The following DALRD3 variants were observed in gnomAD, a reference collection of about 807,000 sequenced individuals.
The protein encoded by DALRD3 is DALR anticodon binding domain containing 3.
A neutral mutation model predicts 56.7 loss-of-function variants in DALRD3; 47 were observed. The observed-to-expected ratio is 0.83, with a 90% CI of 0.66 to 1.06. The LOEUF (loss-of-function observed/expected upper bound fraction) is 1.06, where lower values mean the gene tolerates loss of function less well. Ranked by LOEUF, DALRD3 falls within the 50% of genes least tolerant of loss-of-function variation. DALRD3 has a pLI of 0.00. For synonymous variants in DALRD3, 347 were observed against 308.5 expected (o/e 1.12, Z -1.31); for missense variants, 787 against 724.0 (o/e 1.09, Z -1.00).
intron 11 of DALRD3, 29 bp downstream of exon 11, chr3:49,015,775 C>G: frequency 6.2e-7 from 1 of 1,614,112 alleles, no homozygotes; most frequent in Non-Finnish European, 8.5e-7. Context: ...CCTCTCTGCA[C>G]GTCCCACCCC....
chr3:49,017,065 C>A, intron 5 of DALRD3, 163 bp downstream of exon 5: 1 of 1,051,156 alleles, frequency 9.5e-7, no homozygotes, highest in Non-Finnish European at 1.4e-6. Flanking sequence ...ACCCCCCTTC[C>A]CCAGAGCCTC....
chr3:49,017,305 TAAC>T lies in DALRD3; in HGVS notation c.847_849del (p.Val283del), dbSNP rs1559905180. ...TGTTGCTGGAACTCCTCCTCACAGC[TAAC>T]AACATGTACAACCAGGCAGCCGCCT... On this transcript the variant is annotated inframe_deletion, in exon 5 of 12. Coordinates refer to ENST00000341949, the MANE Select transcript of DALRD3 (RefSeq NM_001009996.3). 4 of 1,614,090 alleles carry T rather than the reference TAAC, an allele frequency of 2.5e-6. No homozygotes were observed. Among genetic ancestry groups the T allele is most frequent in the Admixed American group, 3.3e-5 (2 of 60,014 alleles).
Position 49,017,863 on chromosome 3 carries a change from G to A in DALRD3, c.468C>T (p.Cys156=), listed in dbSNP as rs764337023. The A allele has an allele frequency of 1.9e-6, 3 of 1,597,188 alleles. No individual in the cohort carries two copies. Residue 156 remains cysteine (C), a synonymous_variant, in exon 3 of 12, where the codon TGC becomes TGT. Coordinates refer to ENST00000341949, the MANE Select transcript of DALRD3 (RefSeq NM_001009996.3). ...LARALRAHGV[C]VRLVPAVRDP... ...CCCGCACAGCTGGCACTAGGCGCAC[G>A]CACACCCTGCGAAGGGAGGGCGGCC...
At chr3:49,020,148 G>T, upstream of DALRD3, 1 of 534,478 alleles carries the variant, frequency 1.9e-6, no homozygotes, top group Non-Finnish European at 3.8e-6. Context: ...GGGAGGCGCC[G>T]AAAGAGCACT....
intron 11 of DALRD3, 26 bp downstream of exon 11, chr3:49,015,778 C>T (rs1399582187): frequency 6.2e-7 from 1 of 1,614,116 alleles, no homozygotes; most frequent in Non-Finnish European, 8.5e-7. Context: ...CTCTGCACGT[C>T]CCACCCCATT....
chr3:49,021,130 C>G (rs757958053), upstream of DALRD3: 1 of 154,726 alleles, frequency 6.5e-6, no homozygotes, highest in Non-Finnish European at 1.4e-5. This position sits in a 1 kb window ranked among gnomAD's most constrained non-coding sequence, Gnocchi z 4.1. Flanking sequence ...CCGAAGGGGT[C>G]CACAGAGCAG....
Position 49,017,331 on chromosome 3 carries a change from C to T in DALRD3, c.824G>A (p.Gly275Asp), listed in dbSNP as rs1203745157. 2 of 1,614,120 alleles carry T rather than the reference C, an allele frequency of 1.2e-6. No individual in the cohort carries two copies. Among genetic ancestry groups the T allele is most frequent in the African/African-American group, 2.7e-5 (2 of 74,946 alleles). Reference sequence around the variant, plus strand: ...AACAACATGTACAACCAGGCAGCCGCCTGTACCAGTATCTGAGGCCCCAGC... The same window carrying T: ...AACAACATGTACAACCAGGCAGCCGTCTGTACCAGTATCTGAGGCCCCAGC... ...GLAGASDTGT[G>D]GCLVVHVVSC... Residue 275 changes from glycine to aspartate, a missense_variant, in exon 5 of 12, where the codon GGC becomes GAC. By Grantham distance (94) the Gly-to-Asp change is moderately conservative. Coordinates refer to ENST00000341949, the MANE Select transcript of DALRD3 (RefSeq NM_001009996.3).
upstream of DALRD3, chr3:49,020,826 A>G (rs2093149425): frequency 2.7e-6 from 1 of 363,774 alleles, no homozygotes; most frequent in African/African-American, 2.1e-5. Context: ...AACGGAGTCT[A>G]GAGGGAACAA....
rs534636120 is a variant in DALRD3 at position 49,017,570 on chromosome 3, C to A, written c.718+43G>T. 3.1e-6 allele frequency: 5 copies of A among 1,614,034 alleles called. No individual in the cohort carries two copies. In the South Asian group the frequency reaches 4.4e-5, roughly 14 times the overall value. On this transcript the variant is annotated intron_variant, in intron 3 of 11. Transcript: ENST00000341949. ...ACAAGAAGCAGAGATGTGCCCCTAACCCCCTCCTGCCTTTTCTGGCCCTGC... is the reference window on the plus strand; with the variant it reads ...ACAAGAAGCAGAGATGTGCCCCTAAACCCCTCCTGCCTTTTCTGGCCCTGC...
chr3:49,017,129 T>A, intron 5 of DALRD3, 99 bp downstream of exon 5: 2 of 1,542,716 alleles, frequency 1.3e-6, no homozygotes, highest in South Asian at 2.3e-5. Context: ...AGGTCAAGTG[T>A]TGGTTTCTGT....
chr3:49,018,337 G>A lies in DALRD3; in HGVS notation c.166-19C>T, dbSNP rs771503640. ...CCGGAACCTGCGGGAGAACGGGCGTGTAAAAGAGCCACGGCACGGGGCCCA... is the reference window on the plus strand; with the variant it reads ...CCGGAACCTGCGGGAGAACGGGCGTATAAAAGAGCCACGGCACGGGGCCCA... On this transcript the variant is annotated intron_variant, in intron 1 of 11. Transcript: ENST00000341949. 2.5e-5 allele frequency: 37 copies of A among 1,493,174 alleles called. No individual in the cohort carries two copies. Among genetic ancestry groups the A allele is most frequent in the Non-Finnish European group, 2.7e-5 (31 of 1,128,242 alleles). The allele number at this position is 1,493,174 out of a possible 1,614,324, so 92.5% of individuals were successfully genotyped here.
At chr3:49,018,600 T>C, upstream of DALRD3, 1 of 1,510,774 alleles carries the variant, frequency 6.6e-7, no homozygotes, top group Non-Finnish European at 8.8e-7. Flanking sequence ...CGGAAAAAAA[T>C]TTAGGGAGGT....
chr3:49,018,144 G>C lies in DALRD3; in HGVS notation c.340C>G (p.Leu114Val). The C allele has an allele frequency of 6.8e-7, 1 of 1,460,920 alleles. No homozygotes were observed. 90.5% of individuals were successfully genotyped at this position (1,460,920 alleles called of 1,614,324 possible). Residue 114 changes from leucine to valine, a missense_variant, in exon 2 of 12, where the codon CTG (leucine) becomes GTG (valine). Leu to Val is a conservative substitution (Grantham distance 32). Coordinates refer to ENST00000341949, the MANE Select transcript of DALRD3 (RefSeq NM_001009996.3). ...AYATPASPAS[L>V]GQRVLLHCPA... ...CAGTGTAGTAAGACGCGCTGGCCCA[G>C]CGAGGCAGGCGAGGCGGGCGTGGCA...
In DALRD3 at chr3:49,016,065, T is replaced by C; in HGVS notation, c.1351A>G (p.Asn451Asp). 1 of 1,601,864 alleles carries C rather than the reference T, an allele frequency of 6.2e-7. No homozygotes were observed. Among genetic ancestry groups the C allele is most frequent in the African/African-American group, 1.3e-5 (1 of 74,870 alleles). ...HDEGEWLLLF[N>D]SILPFPDLLS... ...AGATCCGGAAAGGGGAGGATACTGT[T>C]GAAGAGCAACAACCACTCACCCTGT... The change falls in exon 10 of 12, where the codon AAC becomes GAC. Residue 451 changes from asparagine to aspartate, a missense_variant. Transcript: ENST00000341949.
chr3:49,016,264 G>C lies in DALRD3; in HGVS notation c.1223C>G (p.Ala408Gly), dbSNP rs777838252. 6 of 1,614,122 alleles carry C rather than the reference G, an allele frequency of 3.7e-6. No homozygotes were observed. In the South Asian group the frequency reaches 6.6e-5, roughly 18 times the overall value. ...ACTCTCAAAGAGTGTGGCAAGACGG[G>C]CACAATTATACATGACAAAGGTGCC... ...KSGTFVMYNC[A>G]RLATLFESYK... The change falls in exon 9 of 12, where the codon GCC (alanine) becomes GGC (glycine). Residue 408 changes from alanine (A) to glycine (G), a missense_variant. By Grantham distance (60) the Ala-to-Gly change is moderately conservative. Transcript: ENST00000341949.
intron 10 of DALRD3, 40 bp from the exon 11 acceptor site, chr3:49,015,912 C>CTTTA: frequency 6.2e-7 from 1 of 1,614,206 alleles, no homozygotes; most frequent in Non-Finnish European, 8.5e-7. Flanking sequence ...TCTCTTTGCT[C>CTTTA]TTGTGCCCCA....
upstream of DALRD3, chr3:49,019,081 T>C (rs2093128529): frequency 2.1e-6 from 2 of 968,764 alleles, no homozygotes; most frequent in African/African-American, 3.5e-5. Flanking sequence ...GGGTGTTTTT[T>C]TGTTTGTTTG....
chr3:49,018,521 A>C lies in DALRD3; in HGVS notation c.44T>G (p.Leu15Arg). ...RLGVGETLGA[L>R]NAALGPGGPV... ...ACCGCCTGGCCCCAGGGCCGCGTTGAGGGCCCCCAGCGTCTCCCCGACCCC... is the reference window on the plus strand; with the variant it reads ...ACCGCCTGGCCCCAGGGCCGCGTTGCGGGCCCCCAGCGTCTCCCCGACCCC... Residue 15 changes from leucine (L) to arginine (R), a missense_variant, in exon 1 of 12, where the codon CTC becomes CGC. By Grantham distance (102) the Leu-to-Arg change is moderately radical. Coordinates refer to ENST00000341949, the MANE Select transcript of DALRD3 (RefSeq NM_001009996.3). The C allele has an allele frequency of 6.3e-7, 1 of 1,584,720 alleles. No homozygotes were observed. Among genetic ancestry groups the C allele is most frequent in the Non-Finnish European group, 8.6e-7 (1 of 1,165,356 alleles).
Position 49,017,610 on chromosome 3 carries a change from T to C in DALRD3, c.718+3A>G. The C allele has an allele frequency of 5.0e-6, 8 of 1,614,168 alleles. No homozygotes were observed. The highest frequency in any genetic ancestry group is 6.8e-6 in the Non-Finnish European group (8 of 1,180,010). On this transcript the variant is annotated splice_donor_region_variant and intron_variant, in intron 3 of 11. Transcript: ENST00000341949. ...TCTGGCCCTGCTAGGCTTCAGGTCC[T>C]ACCCAGACAGTTGTCCAGGTTGGGG...
Sources: gnomAD v4.1 joint callset for allele counts on GRCh38, gnomAD v4.1.1 for gene constraint, Gnocchi (gnomAD v3.1) non-coding constraint, MANE v1.5 for transcripts, NCBI Gene and HGNC (gene_info 2026-07-23, HGNC 2026-07-21) for gene names.